PAPPA: variants seen among roughly 807,000 people sequenced by gnomAD.
The protein encoded by PAPPA is pappalysin-1.
A neutral mutation model predicts 164.0 loss-of-function variants in PAPPA; 60 were observed. The ratio of observed to expected loss-of-function variants is 0.37; its 90% CI spans 0.30 to 0.45. The LOEUF (loss-of-function observed/expected upper bound fraction) is 0.45. Among genes scored for constraint, PAPPA ranks in the 20% least tolerant of loss-of-function variants. PAPPA has a pLI of 1.00. For missense variants in PAPPA, 1,782 were observed against 2,087.3 expected, an observed-to-expected ratio of 0.85 and a Z score of 2.85; for synonymous variants, 875 against 814.1, an observed-to-expected ratio of 1.07 and a Z score of -1.27.
chr9:116,369,673 G>T (rs1380699703), intron 19 of PAPPA, among the ~76,000 whole-genome samples: 1 of 152,006 alleles, frequency 6.6e-6, no homozygotes, highest in Non-Finnish European at 1.5e-5. Flanking sequence ...TCCCTCTGTG[G>T]GCCCTGGGCA....
At chr9:116,329,129 G>A (rs2118943910) in intron 10 of PAPPA, among the ~76,000 whole-genome samples, 1 of 152,220 alleles carries the variant, frequency 6.6e-6, no homozygotes, top group African/African-American at 2.4e-5. Context: ...ATTTGAATTT[G>A]CACAGATTTA....
chr9:116,357,674 A>G (rs1846371447), intron 17 of PAPPA, among the ~76,000 whole-genome samples: 1 of 152,196 alleles, frequency 6.6e-6, no homozygotes, highest in Admixed American at 6.5e-5. Context: ...TACTCATCTC[A>G]GGATTTAATC....
chr9:116,360,830 A>G (rs1195424043), intron 17 of PAPPA, among the ~76,000 whole-genome samples: 1 of 152,194 alleles, frequency 6.6e-6, no homozygotes, highest in East Asian at 1.9e-4. Flanking sequence ...ATAGGGCACC[A>G]GCCTGGGCCT....
Position 116,332,404 on chromosome 9 carries a change from G to A in PAPPA, c.3333G>A (p.Gly1111=), listed in dbSNP as rs79136957. 869 of 1,613,950 alleles carry A rather than the reference G, an allele frequency of 5.4e-4. 7 individuals carry two copies. The East Asian group carries it at 0.015, about 28-fold the overall frequency. ...TGGTGACGGATGGGACATATTATGG[G>A]GACCAAAAGCAGGAGACCATCAGCG... is the stretch of plus-strand genomic sequence containing the variant. ...VHLVTDGTYY[G]DQKQETISVQ... The change falls in exon 12 of 22, where the codon GGG becomes GGA. Residue 1111 remains glycine (G), a synonymous_variant. Transcript: ENST00000328252.
chr9:116,380,540 A>C (rs1430749696), intron 20 of PAPPA, among the ~76,000 whole-genome samples: 1 of 152,240 alleles, frequency 6.6e-6, no homozygotes, highest in Non-Finnish European at 1.5e-5. Flanking sequence ...TATTACATAA[A>C]AAAGAACATA....
At chr9:116,157,015 C>CA (rs1289592438) in intron 1 of PAPPA, among the ~76,000 whole-genome samples, 1 of 152,222 alleles carries the variant, frequency 6.6e-6, no homozygotes, top group Non-Finnish European at 1.5e-5. Flanking sequence ...AATCCCTGGT[C>CA]ACCTATCTTG....
Position 116,398,753 on chromosome 9 carries a change from C to T in PAPPA, c.*2137C>T. On this transcript the variant is annotated 3_prime_UTR_variant, in exon 22 of 22. Coordinates refer to ENST00000328252, the MANE Select transcript of PAPPA (RefSeq NM_002581.5). The stretch of plus-strand genomic sequence containing the variant: ...GCTGCCACAGTTGTTAAGAATAATC[C>T]TCTATGTTTCTTCCTCACAAAACCA... 1 of 450,138 alleles carries T rather than the reference C, an allele frequency of 2.2e-6. No individual in the cohort carries two copies. The highest frequency in any genetic ancestry group is 1.6e-5 in the South Asian group (1 of 63,528). 27.9% of individuals were successfully genotyped at this position (450,138 alleles called of 1,614,324 possible).
chr9:116,213,143 C>G (rs1441665062), intron 4 of PAPPA, among the ~76,000 whole-genome samples: 3 of 152,210 alleles, frequency 2.0e-5, no homozygotes, highest in African/African-American at 7.2e-5. Context: ...ATGAGTAGGG[C>G]TTTAGGCTCT....
intron 7 of PAPPA, among the ~76,000 whole-genome samples, chr9:116,255,418 C>T (rs1415516247): frequency 6.6e-6 from 1 of 151,980 alleles, no homozygotes. Context: ...AAACTAAAAA[C>T]TTTTCCAATA....
At chr9:116,227,123 A>G (rs1379149018) in intron 5 of PAPPA, among the ~76,000 whole-genome samples, 1 of 152,210 alleles carries the variant, frequency 6.6e-6, no homozygotes, top group Non-Finnish European at 1.5e-5. Flanking sequence ...GGAGCTTTAT[A>G]TGCCTGATAA....
At chr9:116,179,335 A>T (rs1217450846) in intron 1 of PAPPA, among the ~76,000 whole-genome samples, 1 of 152,192 alleles carries the variant, frequency 6.6e-6, no homozygotes, top group Admixed American at 6.5e-5. Flanking sequence ...CTACTGCTCC[A>T]TGCCGTCCTG....
At chr9:116,215,934 A>G (rs1844365148) in intron 4 of PAPPA, among the ~76,000 whole-genome samples, 1 of 139,430 alleles carries the variant, frequency 7.2e-6, no homozygotes, top group Non-Finnish European at 1.5e-5. Flanking sequence ...GTAGATATTT[A>G]CATCCATATA....
chr9:116,224,161 TA>T (rs962019073), intron 5 of PAPPA, among the ~76,000 whole-genome samples: 1 of 152,132 alleles, frequency 6.6e-6, no homozygotes, highest in African/African-American at 2.4e-5. Context: ...GGGTTTCCCT[TA>T]AAAAAACATA....
At chr9:116,361,371 G>C (rs751944968) in intron 17 of PAPPA, among the ~76,000 whole-genome samples, 2 of 152,078 alleles carry the variant, frequency 1.3e-5, no homozygotes, top group South Asian at 2.1e-4. Context: ...ATTTCTGTTC[G>C]GTAAAGTCTA....
At chr9:116,366,023 C>A (rs116343562) in intron 18 of PAPPA, among the ~76,000 whole-genome samples, 2,038 of 152,218 alleles carry the variant, frequency 0.013, 34 homozygotes, top group African/African-American at 0.035. Flanking sequence ...CTAATACATA[C>A]ATATGTATAT....
intron 3 of PAPPA, among the ~76,000 whole-genome samples, 198 bp from the exon 4 acceptor site, chr9:116,211,441 C>G (rs999977462): frequency 6.6e-6 from 1 of 152,146 alleles, no homozygotes; most frequent in Non-Finnish European, 1.5e-5. Context: ...TACAAAATGA[C>G]TTTTGAGATT....
chr9:116,267,878 T>C (rs1845087912), intron 8 of PAPPA, among the ~76,000 whole-genome samples: 1 of 66,802 alleles, frequency 1.5e-5, no homozygotes, highest in Admixed American at 3.1e-4. Flanking sequence ...CGAGACTCCG[T>C]CTCAAAAAAA....
At chr9:116,329,779 G>T (rs1001926075) in intron 10 of PAPPA, among the ~76,000 whole-genome samples, 1 of 151,858 alleles carries the variant, frequency 6.6e-6, no homozygotes, top group Non-Finnish European at 1.5e-5. Context: ...TTTTTATTTG[G>T]CTAGAGACCA....
chr9:116,285,171 C>CTTTTTTTTTTTTTTTTTTTTTTTTCTTT, intron 9 of PAPPA, among the ~76,000 whole-genome samples: 1 of 89,494 alleles, frequency 1.1e-5, no homozygotes, highest in East Asian at 3.5e-4. Flanking sequence ...TTCTTTCTTT[C>CTTTTTTTTTTTTTTTTTTTTTTTTCTTT]TTTTTTTTTT....
Sources: gnomAD v4.1 joint callset for allele counts (sites outside exome capture counted in the v4.1 genomes callset) on GRCh38, gnomAD v4.1.1 for gene constraint, MANE v1.5 for transcripts, NCBI Gene and HGNC (gene_info 2026-07-23, HGNC 2026-07-21) for gene names.